The following KSR1 variants were observed in gnomAD, a reference collection of about 807,000 sequenced individuals.
KSR1 encodes the protein kinase suppressor of ras 1, also known as kinase suppressor of ras.
Under a neutral mutation model 92.9 loss-of-function variants are expected in KSR1, and 35 were observed. The ratio of observed to expected loss-of-function variants is 0.38; its 90% CI spans 0.29 to 0.50. The LOEUF (loss-of-function observed/expected upper bound fraction) is 0.50. Among genes scored for constraint, KSR1 ranks in the 20% least tolerant of loss-of-function variants. The pLI is 0.94. For missense variants in KSR1, 972 were observed against 1,158.5 expected (o/e 0.84, Z 2.34); for synonymous variants, 467 against 472.6 (o/e 0.99, Z 0.15).
At chr17:27,561,015 C>A (rs1316578684) in intron 2 of KSR1, among the ~76,000 whole-genome samples, 3 of 152,158 alleles carry the variant, frequency 2.0e-5, no homozygotes, top group African/African-American at 7.2e-5. Flanking sequence ...GACTGGCATG[C>A]CTGTATCACC....
At chr17:27,576,606 C>T (rs73274025) in intron 2 of KSR1, among the ~76,000 whole-genome samples, 6,230 of 151,918 alleles carry the variant, frequency 0.041, 336 homozygotes, top group African/African-American at 0.12. Context: ...ACAAACAGGC[C>T]GGGAGTGGAG....
Position 27,605,464 on chromosome 17 carries a change from G to A in KSR1, c.1645G>A (p.Ala549Thr), listed in dbSNP as rs1028448218. 3.1e-6 allele frequency: 5 copies of A among 1,609,368 alleles called. No homozygotes were observed. The highest frequency in any genetic ancestry group is 3.3e-4 in the Middle Eastern group (2 of 6,080). ...AEEPEAGKSE[A>T]EDDEDEVDDL... ...GGAGCCAGAGGCTGGCAAGTCAGAG[G>A]CAGAAGACGATGAGGACGAGGTGGA... The change falls in exon 14 of 21, where the codon GCA (alanine) becomes ACA (threonine). Residue 549 changes from alanine to threonine, a missense_variant. By Grantham distance (58) the Ala-to-Thr change is moderately conservative. Transcript: ENST00000644974.
intron 1 of KSR1, among the ~76,000 whole-genome samples, chr17:27,538,184 C>T (rs904284006): frequency 6.6e-6 from 1 of 152,164 alleles, no homozygotes; most frequent in Non-Finnish European, 1.5e-5. Flanking sequence ...TGGAATACTG[C>T]GGACTTAATA....
At chr17:27,463,545 A>C (rs2150904732) in intron 1 of KSR1, among the ~76,000 whole-genome samples, 1 of 151,166 alleles carries the variant, frequency 6.6e-6, no homozygotes, top group Admixed American at 6.6e-5. Context: ...TATGGCTTCT[A>C]GTTTTGTGGT....
chr17:27,608,353 G>A (rs2073821091), intron 15 of KSR1, among the ~76,000 whole-genome samples: 1 of 152,088 alleles, frequency 6.6e-6, no homozygotes, highest in Admixed American at 6.5e-5. Context: ...CTGTAAAATG[G>A]GGATCTTCAT....
chr17:27,530,314 G>A (rs1033452572), intron 1 of KSR1, among the ~76,000 whole-genome samples: 1 of 152,060 alleles, frequency 6.6e-6, no homozygotes, highest in South Asian at 2.1e-4. Context: ...GTGTAGTTGT[G>A]TGTGGCAGTG....
intron 2 of KSR1, chr17:27,560,432 T>G: frequency 3.9e-6 from 2 of 519,092 alleles, no homozygotes; most frequent in Non-Finnish European, 7.7e-6. Flanking sequence ...TGGTGGTTCC[T>G]GAACTGAAGA....
intron 1 of KSR1, among the ~76,000 whole-genome samples, chr17:27,518,626 A>G (rs59067009): frequency 2.6e-5 from 4 of 152,056 alleles, no homozygotes; most frequent in East Asian, 1.9e-4. Flanking sequence ...GTGGACATCT[A>G]TGTTGATAAT....
chr17:27,495,737 C>G (rs1342784133), intron 1 of KSR1, among the ~76,000 whole-genome samples: 1 of 152,200 alleles, frequency 6.6e-6, no homozygotes, highest in Non-Finnish European at 1.5e-5. Context: ...ATCATGCAGT[C>G]CCTGTGGAAC....
At chr17:27,466,513 T>C (rs1049102144) in intron 1 of KSR1, among the ~76,000 whole-genome samples, 2 of 152,096 alleles carry the variant, frequency 1.3e-5, no homozygotes, top group South Asian at 2.1e-4. Flanking sequence ...GTGCATTTAG[T>C]TGGTGTTAAG....
intron 14 of KSR1, among the ~76,000 whole-genome samples, chr17:27,606,452 A>G (rs997112310): frequency 2.6e-5 from 4 of 152,206 alleles, no homozygotes; most frequent in African/African-American, 9.6e-5. Context: ...TCCTTTTTGT[A>G]AAAATACAAA....
At chr17:27,464,798 C>A (rs930756782) in intron 1 of KSR1, among the ~76,000 whole-genome samples, 1 of 151,460 alleles carries the variant, frequency 6.6e-6, no homozygotes, top group Non-Finnish European at 1.5e-5. Flanking sequence ...TGTAAAAATT[C>A]TTTACAATTG....
intron 1 of KSR1, among the ~76,000 whole-genome samples, chr17:27,458,267 G>C (rs1301677295): frequency 6.6e-6 from 1 of 152,214 alleles, no homozygotes; most frequent in Admixed American, 6.5e-5. Context: ...GAACACAGCT[G>C]AGTGTGTTTG....
chr17:27,522,865 C>A (rs2070098928), intron 1 of KSR1, among the ~76,000 whole-genome samples: 1 of 152,204 alleles, frequency 6.6e-6, no homozygotes, highest in African/African-American at 2.4e-5. Context: ...AGCAGCCAGA[C>A]AACATTTTGG....
chr17:27,608,749 CCT>C (rs546683365), intron 15 of KSR1, among the ~76,000 whole-genome samples: 132 of 152,266 alleles, frequency 8.7e-4, no homozygotes, highest in African/African-American at 3.0e-3. Context: ...TGTGGGAATG[CCT>C]CTCTGTTCCC....
intron 1 of KSR1, among the ~76,000 whole-genome samples, chr17:27,545,566 T>TG (rs1161983059): frequency 2.6e-5 from 4 of 152,220 alleles, no homozygotes; most frequent in Admixed American, 2.6e-4. Context: ...GGTGCTGTGC[T>TG]GGCTCCTGAG....
At chr17:27,494,471 A>G (rs1445682156) in intron 1 of KSR1, among the ~76,000 whole-genome samples, 3 of 152,206 alleles carry the variant, frequency 2.0e-5, no homozygotes, top group Non-Finnish European at 2.9e-5. Flanking sequence ...TTAAAGAGCC[A>G]GTGAAAGGGG....
At chr17:27,460,191 G>C (rs945644093) in intron 1 of KSR1, among the ~76,000 whole-genome samples, 1 of 152,106 alleles carries the variant, frequency 6.6e-6, no homozygotes, top group Non-Finnish European at 1.5e-5. Context: ...TACTCACAGA[G>C]GGACACTTGG....
chr17:27,551,908 C>T (rs1267457817), intron 2 of KSR1, among the ~76,000 whole-genome samples: 1 of 152,214 alleles, frequency 6.6e-6, no homozygotes, highest in African/African-American at 2.4e-5. Context: ...ACTTGGATCC[C>T]ATCCTTTTTC....
Sources: gnomAD v4.1 joint callset for allele counts (sites outside exome capture counted in the v4.1 genomes callset) on GRCh38, gnomAD v4.1.1 for gene constraint, MANE v1.5 for transcripts, NCBI Gene and HGNC (gene_info 2026-07-23, HGNC 2026-07-21) for gene names.